ROBO2: variants seen among roughly 807,000 people sequenced by gnomAD.
ROBO2 encodes roundabout homolog 2.
Under a neutral mutation model 160.8 loss-of-function variants are expected in ROBO2, and 53 were observed. That is an observed-to-expected ratio of 0.33 (90% CI 0.26 to 0.41). The LOEUF (loss-of-function observed/expected upper bound fraction) is 0.41. Among genes scored for constraint, ROBO2 ranks in the 10% least tolerant of loss-of-function variants. ROBO2 has a pLI of 1.00. For missense variants in ROBO2, 1,577 were observed against 1,722.4 expected (o/e 0.92, Z 1.49); for synonymous variants, 664 against 611.7 (o/e 1.09, Z -1.26).
At chr3:77,247,370 A>G (rs780438539) in intron 2 of ROBO2, among the ~76,000 whole-genome samples, 2 of 152,158 alleles carry the variant, frequency 1.3e-5, no homozygotes, top group Non-Finnish European at 2.9e-5. Flanking sequence ...GAGAGGATAC[A>G]GTCTTTCTTC....
chr3:76,838,485 G>C (rs1340814168), intron 2 of ROBO2, among the ~76,000 whole-genome samples: 1 of 152,022 alleles, frequency 6.6e-6, no homozygotes, highest in Non-Finnish European at 1.5e-5. Context: ...CTCGCATTGA[G>C]GTAGTGTGAA....
At chr3:77,093,403 G>A (rs2070595894) in intron 1 of ROBO2, among the ~76,000 whole-genome samples, 1 of 152,026 alleles carries the variant, frequency 6.6e-6, no homozygotes, top group African/African-American at 2.4e-5. Context: ...TGACAACTCA[G>A]CTTTATTTTT....
chr3:76,472,063 ATGTGTGTG>A lies in ROBO2; in HGVS notation c.109+534492_109+534499del, dbSNP rs57259386. On this transcript the variant is annotated intron_variant, in intron 2 of 26. Transcript: ENST00000487694. ...CAACATTTCTCTGTGGTCTGATAAAATGTGTGTGTGTGTGTGTGTGTGTGTGTGTGTGT... is the reference window on the plus strand; with the variant it reads ...CAACATTTCTCTGTGGTCTGATAAAATGTGTGTGTGTGTGTGTGTGTGTGT... Among the ~76,000 whole-genome samples the A allele has an allele frequency of 9.5e-3, 1,307 of 137,936 alleles. 8 individuals are homozygous for A. Among genetic ancestry groups the A allele is most frequent in the Admixed American group, 0.014 (195 of 13,844 alleles). The allele number at this position is 137,936 out of a possible 152,430, so 90.5% of individuals were successfully genotyped here. A position where few individuals can be genotyped will look rare whatever the true frequency, so the allele number is the denominator to read the frequency against.
chr3:76,676,796 T>C (rs1057227629), intron 2 of ROBO2, among the ~76,000 whole-genome samples: 14 of 152,110 alleles, frequency 9.2e-5, no homozygotes, highest in East Asian at 3.9e-4. Context: ...GGCTTTTTTT[T>C]CCTCTCTCCC....
At chr3:75,946,033 T>C (rs905154117) in intron 2 of ROBO2, among the ~76,000 whole-genome samples, 1 of 152,108 alleles carries the variant, frequency 6.6e-6, no homozygotes, top group African/African-American at 2.4e-5. Context: ...TTTTGGTTTG[T>C]TTTGTTTCCT....
At position 76,022,500 on chromosome 3, in the gene ROBO2, G is replaced by A. The variant is rs774916346; in HGVS notation, c.109+84898G>A. 4.6e-5 allele frequency among the ~76,000 whole-genome samples: 7 copies of A among 151,758 alleles called. No individual in the cohort carries two copies. In the Middle Eastern group the frequency reaches 0.01, roughly 221 times the overall value. The stretch of plus-strand genomic sequence containing the variant: ...AGTTGAAATTACTCCTTGATTCAGC[G>A]GCTACAGAATGGATGTTGTGTTAAC... On this transcript the variant is annotated intron_variant, in intron 2 of 26. Transcript: ENST00000487694.
At chr3:77,489,933 C>T (rs1392386744) in intron 4 of ROBO2, among the ~76,000 whole-genome samples, 1 of 152,000 alleles carries the variant, frequency 6.6e-6, no homozygotes, top group East Asian at 1.9e-4. Context: ...TTGCAGTTAT[C>T]AATTATCGAA....
chr3:76,179,948 C>T (rs146552791), intron 2 of ROBO2, among the ~76,000 whole-genome samples: 6 of 152,178 alleles, frequency 3.9e-5, no homozygotes, highest in South Asian at 2.1e-4. Context: ...ACTATAGAAC[C>T]GGTACCTGAT....
At chr3:77,402,794 C>T (rs1010359849) in intron 2 of ROBO2, among the ~76,000 whole-genome samples, 15 of 151,994 alleles carry the variant, frequency 9.9e-5, no homozygotes, top group Admixed American at 6.6e-4. Flanking sequence ...AGAAGTACGC[C>T]GGCACACGAA....
At chr3:77,639,665 C>G (rs1373546660) in intron 24 of ROBO2, among the ~76,000 whole-genome samples, 1 of 152,138 alleles carries the variant, frequency 6.6e-6, no homozygotes, top group Admixed American at 6.5e-5. Context: ...GTCAGGCAAG[C>G]AAACAAGGGC....
intron 2 of ROBO2, among the ~76,000 whole-genome samples, chr3:76,349,811 G>A (rs1423663412): frequency 1.3e-5 from 2 of 151,968 alleles, no homozygotes; most frequent in African/African-American, 4.8e-5. Context: ...ATTTCCGCAG[G>A]AACACATGGA....
chr3:77,120,590 T>C (rs1402899598), intron 2 of ROBO2, among the ~76,000 whole-genome samples: 1 of 152,218 alleles, frequency 6.6e-6, no homozygotes, highest in Admixed American at 6.5e-5. Context: ...TTATGCTCAT[T>C]TTAGCAGTTG....
At chr3:77,281,152 G>T (rs2060211332) in intron 2 of ROBO2, among the ~76,000 whole-genome samples, 3 of 152,180 alleles carry the variant, frequency 2.0e-5, no homozygotes, top group African/African-American at 4.8e-5. Flanking sequence ...TTCAAAGGTT[G>T]TATAATCAAT....
At chr3:77,561,154 T>C (rs1029939176) in intron 9 of ROBO2, among the ~76,000 whole-genome samples, 1 of 152,134 alleles carries the variant, frequency 6.6e-6, no homozygotes. Context: ...ATTAAGATAG[T>C]GAAATGGCAG....
chr3:77,306,604 A>C (rs1259672672), intron 2 of ROBO2, among the ~76,000 whole-genome samples: 1 of 152,208 alleles, frequency 6.6e-6, no homozygotes, highest in Non-Finnish European at 1.5e-5. Flanking sequence ...ACTATTTTCT[A>C]GAAACCAAAT....
chr3:76,170,849 G>A lies in ROBO2; in HGVS notation c.109+233247G>A, dbSNP rs575575122. On this transcript the variant is annotated intron_variant, in intron 2 of 26. Coordinates refer to the ROBO2 transcript ENST00000487694. ...TAGCTATTCATTTTGAACTTTGTAA[G>A]TTCAAAATACCCTGGCGAACAATTA... Among the ~76,000 whole-genome samples, 8 of 152,192 alleles carry A rather than the reference G, an allele frequency of 5.3e-5. No individual in the cohort carries two copies. In the South Asian group the frequency reaches 1.2e-3, roughly 24 times the overall value.
Position 77,563,977 on chromosome 3 carries a change from T to C in ROBO2, c.1682+648T>C, listed in dbSNP as rs2093409411. 2.0e-5 allele frequency among the ~76,000 whole-genome samples: 3 copies of C among 152,254 alleles called. No individual in the cohort carries two copies. The South Asian group carries it at 6.2e-4, about 32-fold the overall frequency. On this transcript the variant is annotated intron_variant, in intron 11 of 25. Transcript: ENST00000461745. ...TCCTATGAAAATTTGATAAAATGCT[T>C]ACACAAATGGTAAAATATGCTTTCA...
chr3:77,153,874 T>G (rs1021067815), intron 2 of ROBO2, among the ~76,000 whole-genome samples: 1 of 152,126 alleles, frequency 6.6e-6, no homozygotes, highest in South Asian at 2.1e-4. Flanking sequence ...TCTTGAATGT[T>G]TACTATAACA....
At chr3:76,162,933 C>T (rs1559604092) in intron 2 of ROBO2, among the ~76,000 whole-genome samples, 1 of 151,884 alleles carries the variant, frequency 6.6e-6, no homozygotes, top group East Asian at 1.9e-4. Flanking sequence ...ATAAAAAATG[C>T]TTGCCTATTT....
Sources: allele counts gnomAD v4.1 joint callset (sites outside exome capture counted in the v4.1 genomes callset), GRCh38; gene constraint gnomAD v4.1.1; transcripts MANE v1.5; gene names NCBI Gene and HGNC (gene_info 2026-07-23, HGNC 2026-07-21).